Variants in ATG2A observed in about 807,000 individuals in gnomAD.
ATG2A encodes autophagy-related protein 2 homolog A.
ATG2A carries 103 observed loss-of-function variants against 214.2 expected under a neutral mutation model. The ratio of observed to expected loss-of-function variants is 0.48; its 90% CI spans 0.41 to 0.57. The LOEUF is 0.57. Among genes scored for constraint, ATG2A ranks in the 20% least tolerant of loss-of-function variants. The pLI, the probability that ATG2A is intolerant of heterozygous loss-of-function variation, is 0.00. For missense variants in ATG2A, 2,312 were observed against 2,613.2 expected (o/e 0.88, Z 2.51); for synonymous variants, 1,160 against 1,142.1 (o/e 1.02, Z -0.32).
chr11:64,909,851 C>A lies in ATG2A; in HGVS notation c.1937G>T (p.Arg646Leu). ...LSAPRATLRL[R>L]FPIADLRPEP... ...AGGCCGCAGGTCGGCAATGGGGAAG[C>A]GCAGCCGCAGCGTGGCCCGGGGTGC... Residue 646 changes from arginine (R) to leucine (L), a missense_variant, in exon 14 of 41, where the codon CGC becomes CTC. Arg to Leu is a moderately radical substitution (Grantham distance 102). Coordinates refer to ENST00000377264, the MANE Select transcript of ATG2A (RefSeq NM_015104.3). The A allele has an allele frequency of 6.2e-7, 1 of 1,609,646 alleles. No individual in the cohort carries two copies. The highest frequency in any genetic ancestry group is 8.5e-7 in the Non-Finnish European group (1 of 1,178,770).
chr11:64,913,662 G>A lies in ATG2A; in HGVS notation c.590+159C>T, dbSNP rs1257175945. The A allele has an allele frequency of 2.3e-5, 19 of 826,958 alleles. No individual in the cohort carries two copies. Among genetic ancestry groups the A allele is most frequent in the African/African-American group, 3.4e-5 (2 of 58,270 alleles). The allele number at this position is 826,958 out of a possible 1,614,324, so 51.2% of individuals were successfully genotyped here. A position where few individuals can be genotyped will look rare whatever the true frequency, so the allele number is the denominator to read the frequency against. On this transcript the variant is annotated intron_variant, in intron 4 of 40. Coordinates refer to ENST00000377264, the MANE Select transcript of ATG2A (RefSeq NM_015104.3). This position sits in a 1 kb window ranked among gnomAD's most constrained non-coding sequence, Gnocchi z 4.3. ...TCACCTGGCCTCTGGACACCAGTCC[G>A]GGCTCACGATGCAGCCCACCTCCCC...
Position 64,914,060 on chromosome 11 carries a change from G to A in ATG2A, c.487+21C>T, listed in dbSNP as rs564302482. ...GCCACTGAAGGGCAGGAGACAGGGC[G>A]GCCAGGAGGGGCCTGCTCACCAGTC... is the stretch of plus-strand genomic sequence containing the variant. On this transcript the variant is annotated intron_variant, in intron 3 of 40. Transcript: ENST00000377264. The A allele has an allele frequency of 1.5e-5, 23 of 1,534,218 alleles. 1 individual carries two copies. In the South Asian group the frequency reaches 1.7e-4, roughly 11 times the overall value.
rs1276628494 is a variant in ATG2A at position 64,905,591 on chromosome 11, T to G, written c.3436A>C (p.Ile1146Leu). The G allele has an allele frequency of 1.2e-6, 2 of 1,613,164 alleles. No homozygotes were observed. The highest frequency in any genetic ancestry group is 1.7e-6 in the Non-Finnish European group (2 of 1,179,720). Residue 1146 changes from isoleucine to leucine, a missense_variant, in exon 24 of 41, where the codon ATC becomes CTC. Ile to Leu is a conservative substitution (Grantham distance 5). Coordinates refer to ENST00000377264, the MANE Select transcript of ATG2A (RefSeq NM_015104.3). Reference sequence around the variant, plus strand: ...AGCAGGAAGGTGGAGGTGTCCATGATGATGTTGCTGGAGAGAGTGAAGGTC... The same window carrying G: ...AGCAGGAAGGTGGAGGTGTCCATGAGGATGTTGCTGGAGAGAGTGAAGGTC... ...AETFTLSSNI[I>L]MDTSTFLLRF...
rs1354645056 is a variant in ATG2A at position 64,903,508 on chromosome 11, C to T, written c.3535+82G>A. 24 of 1,476,622 alleles carry T rather than the reference C, an allele frequency of 1.6e-5. No homozygotes were observed. The highest frequency in any genetic ancestry group is 5.0e-5 in the East Asian group (2 of 40,338). 91.5% of individuals were successfully genotyped at this position (1,476,622 alleles called of 1,614,324 possible). A position where few individuals can be genotyped will look rare whatever the true frequency, so the allele number is the denominator to read the frequency against. On this transcript the variant is annotated intron_variant, in intron 25 of 40. Transcript: ENST00000377264. The surrounding 1 kb of genome is among the most constrained non-coding windows in gnomAD (Gnocchi z 4.2). ...GAGCTAAGGACCCGGCCAGCAGCTG[C>T]GGGGAGACACCTGGCTGCTCTGGGT...
Position 64,898,278 on chromosome 11 carries a change from G to T in ATG2A, c.4756C>A (p.Arg1586=). ...CCLRVSLMPL[R]LNVDQDALFF... ...CCACTCACCTGGTCCACATTGAGCC[G>T]CAGGGGCATCAGCGAGACGCGGAGA... The change falls in exon 33 of 41, where the codon CGG becomes AGG. Residue 1586 remains arginine (R), a synonymous_variant. Coordinates refer to ENST00000377264, the MANE Select transcript of ATG2A (RefSeq NM_015104.3). The surrounding 1 kb of genome is among the most constrained non-coding windows in gnomAD (Gnocchi z 4.5). 6.2e-7 allele frequency: 1 copy of T among 1,613,532 alleles called. No homozygotes were observed. Among genetic ancestry groups the T allele is most frequent in the Non-Finnish European group, 8.5e-7 (1 of 1,179,744 alleles).
In ATG2A at chr11:64,909,706, C is replaced by A; in HGVS notation, c.2082G>T (p.Leu694=). The change falls in exon 14 of 41, where the codon CTG becomes CTT. Residue 694 remains leucine, a synonymous_variant. Coordinates refer to ENST00000377264, the MANE Select transcript of ATG2A (RefSeq NM_015104.3). The part of the protein sequence containing the change: ...SGPGPPVPTH[L]ELTCSDLHGI... ...CATGTAGGTCGGAGCAGGTGAGTTC[C>A]AGGTGGGTGGGGACTGGGGGACCAG... 4 of 1,613,232 alleles carry A rather than the reference C, an allele frequency of 2.5e-6. No homozygotes were observed. Among genetic ancestry groups the A allele is most frequent in the Non-Finnish European group, 3.4e-6 (4 of 1,179,972 alleles).
rs145890967 is a variant in ATG2A at position 64,898,247 on chromosome 11, C to T, written c.4773+14G>A. 1,703 of 1,613,746 alleles carry T rather than the reference C, an allele frequency of 1.1e-3. 11 individuals carry two copies. The African/African-American group carries it at 0.016, about 16-fold the overall frequency. ...GGGGTCACCCTAGGCTCTGCCCTCA[C>T]GTAGACCACTCACCTGGTCCACATT... On this transcript the variant is annotated intron_variant, in intron 33 of 40. Coordinates refer to ENST00000377264, the MANE Select transcript of ATG2A (RefSeq NM_015104.3). The surrounding 1 kb of genome is among the most constrained non-coding windows in gnomAD (Gnocchi z 4.5).
Position 64,902,578 on chromosome 11 carries a change from T to C in ATG2A, c.3715A>G (p.Ser1239Gly). 6.2e-7 allele frequency: 1 copy of C among 1,602,126 alleles called. No individual in the cohort carries two copies. Among genetic ancestry groups the C allele is most frequent in the Non-Finnish European group, 8.5e-7 (1 of 1,176,232 alleles). The change falls in exon 27 of 41, where the codon AGC becomes GGC. Residue 1239 changes from serine to glycine, a missense_variant. Coordinates refer to ENST00000377264, the MANE Select transcript of ATG2A (RefSeq NM_015104.3). ...GGTGGGGGGTGCAGATCGCCTGTGC[T>C]CATTACGTACTGGAGCAGGTTGACC... ...LLVNLLQYVMSTGDLHPPPRP... is the reference protein window; with the variant it reads ...LLVNLLQYVMGTGDLHPPPRP...
intron 24 of ATG2A, among the ~76,000 whole-genome samples, chr11:64,905,211 A>G (rs1944498803): frequency 6.6e-6 from 1 of 152,028 alleles, no homozygotes; most frequent in Non-Finnish European, 1.5e-5. Flanking sequence ...ATGGTTTTCT[A>G]CCTACTAGGT....
intron 6 of ATG2A, 57 bp from the exon 7 acceptor site, chr11:64,912,480 G>A (rs1944813782): frequency 7.1e-7 from 1 of 1,415,448 alleles, no homozygotes; most frequent in East Asian, 2.5e-5. Context: ...TCCTCTAAGA[G>A]CTACCACCCG....
intron 12 of ATG2A, 132 bp from the exon 13 acceptor site, chr11:64,910,327 T>G: frequency 1.5e-6 from 2 of 1,331,656 alleles, no homozygotes; most frequent in Non-Finnish European, 2.0e-6. Context: ...TGCCCCACCT[T>G]TGCCCGACGC....
In ATG2A at chr11:64,910,688, C is replaced by A. The variant is rs202089842; in HGVS notation, c.1635G>T (p.Thr545=). The A allele has an allele frequency of 6.2e-7, 1 of 1,610,126 alleles. No individual in the cohort carries two copies. Among genetic ancestry groups the A allele is most frequent in the Non-Finnish European group, 8.5e-7 (1 of 1,178,474 alleles). The part of the protein sequence containing the change: ...EYTEILTFPG[T]LGSQASARPC... ...GCCGAGCTGAGGCCTGGGAGCCCAGCGTACCAGGAAAGGTCAGGATCTGGG... is the reference window on the plus strand; with the variant it reads ...GCCGAGCTGAGGCCTGGGAGCCCAGAGTACCAGGAAAGGTCAGGATCTGGG... The change falls in exon 12 of 41, where the codon ACG becomes ACT. Residue 545 remains threonine (T), a synonymous_variant. Coordinates refer to ENST00000377264, the MANE Select transcript of ATG2A (RefSeq NM_015104.3).
intron 1 of ATG2A, 23 bp from the exon 2 acceptor site, chr11:64,914,523 AC>A (rs1404465408): frequency 1.5e-5 from 24 of 1,607,972 alleles, no homozygotes; most frequent in South Asian, 2.2e-5. Flanking sequence ...AAGAGACAAA[AC>A]CAGCTCAGGG....
rs552442378 is a variant in ATG2A at position 64,897,362 on chromosome 11, AGAAG to A, written c.5150+46_5150+49del. 8.6e-5 allele frequency: 133 copies of A among 1,542,794 alleles called. No homozygotes were observed. The African/African-American group carries it at 1.6e-3, about 19-fold the overall frequency. ...CCACACAACCAGTCAGGACCAGAAC[AGAAG>A]GAAGATCAGGGACCCTGGAGAGAGG... On this transcript the variant is annotated intron_variant, in intron 37 of 40. Coordinates refer to ENST00000377264, the MANE Select transcript of ATG2A (RefSeq NM_015104.3).
At chr11:64,905,902 C>G in intron 22 of ATG2A, 54 bp from the exon 23 acceptor site, 2 of 1,547,100 alleles carry the variant, frequency 1.3e-6, no homozygotes, top group Middle Eastern at 1.7e-4. Flanking sequence ...GTCCTCCCTC[C>G]TCTAACCCCT....
At position 64,895,304 on chromosome 11, in the gene ATG2A, C is replaced by A. The variant is rs373838276; in HGVS notation, c.5566G>T (p.Asp1856Tyr). 1 of 1,613,412 alleles carries A rather than the reference C, an allele frequency of 6.2e-7. No individual in the cohort carries two copies. Among genetic ancestry groups the A allele is most frequent in the Non-Finnish European group, 8.5e-7 (1 of 1,179,890 alleles). ...DLREGVAKAY[D>Y]TVREGILDTA... ...GGCCTGGTCACCTCTCGCACTGTGT[C>A]GTAGGCCTTGGCCACACCCTCCCGC... The change falls in exon 40 of 41, where the codon GAC becomes TAC. Residue 1856 changes from aspartate to tyrosine, a missense_variant. Asp to Tyr is a radical substitution (Grantham distance 160). Coordinates refer to ENST00000377264, the MANE Select transcript of ATG2A (RefSeq NM_015104.3). This position sits in a 1 kb window ranked among gnomAD's most constrained non-coding sequence, Gnocchi z 5.0.
At chr11:64,906,943 G>A (rs144798386) in intron 19 of ATG2A, 128 bp from the exon 20 acceptor site, 2 of 1,193,956 alleles carry the variant, frequency 1.7e-6, no homozygotes, top group East Asian at 5.1e-5. Context: ...GGACGCTGCT[G>A]GAGGCCCTGG....
intron 22 of ATG2A, 105 bp downstream of exon 22, chr11:64,906,008 C>T (rs1944533044): frequency 1.4e-6 from 2 of 1,425,594 alleles, no homozygotes; most frequent in Non-Finnish European, 9.6e-7. Flanking sequence ...AGCTGTGGCC[C>T]AGTCCATGTT....
At chr11:64,902,770 C>T (rs1944403874) in intron 26 of ATG2A, 90 bp from the exon 27 acceptor site, 3 of 1,217,960 alleles carry the variant, frequency 2.5e-6, no homozygotes, top group Non-Finnish European at 3.5e-6. Context: ...CACCGCAGTT[C>T]TGATCCTGCC....
Sources: allele counts gnomAD v4.1 joint callset (sites outside exome capture counted in the v4.1 genomes callset), GRCh38; gene constraint gnomAD v4.1.1; non-coding constraint Gnocchi (gnomAD v3.1); transcripts MANE v1.5; gene names NCBI Gene and HGNC (gene_info 2026-07-23, HGNC 2026-07-21).